Variants in CSMD1 observed in about 807,000 individuals in gnomAD.
CSMD1 encodes CUB and sushi domain-containing protein 1.
Under a neutral mutation model 417.5 loss-of-function variants are expected in CSMD1, and 213 were observed. That is an observed-to-expected ratio of 0.51 (90% CI 0.46 to 0.57). CSMD1 has a LOEUF of 0.57. Among genes scored for constraint, CSMD1 ranks in the 20% least tolerant of loss-of-function variants. The pLI, the probability that CSMD1 is intolerant of heterozygous loss-of-function variation, is 0.00. For missense variants in CSMD1, 6,923 were observed against 4,529.7 expected, an observed-to-expected ratio of 1.53 and a Z score of -15.17; for synonymous variants, 2,862 against 1,736.8, an observed-to-expected ratio of 1.65 and a Z score of -16.11.
intron 10 of CSMD1, among the ~76,000 whole-genome samples, chr8:3,521,960 G>A (rs191150080): frequency 6.6e-6 from 1 of 152,270 alleles, no homozygotes; most frequent in South Asian, 2.1e-4. Flanking sequence ...GTACAAAAAT[G>A]CAATTAACAA....
At position 4,710,307 on chromosome 8, in the gene CSMD1, C is replaced by T. The variant is rs574565026; in HGVS notation, c.86-72749G>A. 4.8e-3 allele frequency among the ~76,000 whole-genome samples: 726 copies of T among 150,856 alleles called. 9 individuals carry two copies. The highest frequency in any genetic ancestry group is 0.018 in the Middle Eastern group (5 of 280). On this transcript the variant is annotated intron_variant, in intron 1 of 69. Transcript: ENST00000635120. ...TAAATATATAATGTATATGTGTATA[C>T]ATTTAAACGCATATAAACATATTCT...
At chr8:4,147,275 C>G (rs1169919801) in intron 3 of CSMD1, among the ~76,000 whole-genome samples, 1 of 152,120 alleles carries the variant, frequency 6.6e-6, no homozygotes, top group Non-Finnish European at 1.5e-5. Context: ...TCCTCACCTG[C>G]GTAATTCCAT....
intron 68 of CSMD1, 85 bp downstream of exon 68, chr8:2,949,214 A>G: frequency 1.4e-6 from 1 of 726,576 alleles, no homozygotes; most frequent in African/African-American, 1.8e-5. Context: ...TTTCTTTTAG[A>G]GTCGTCTTTT....
At chr8:3,527,864 A>G (rs1797819591) in intron 10 of CSMD1, among the ~76,000 whole-genome samples, 1 of 152,218 alleles carries the variant, frequency 6.6e-6, no homozygotes, top group Non-Finnish European at 1.5e-5. Context: ...TACATTTAGA[A>G]ACAGGTTTCT....
At chr8:3,035,320 C>T (rs749588466) in intron 50 of CSMD1, among the ~76,000 whole-genome samples, 42 of 152,146 alleles carry the variant, frequency 2.8e-4, no homozygotes, top group Middle Eastern at 6.8e-3. Flanking sequence ...CTACTGTAAG[C>T]GGATCCTCAC....
intron 3 of CSMD1, among the ~76,000 whole-genome samples, chr8:4,306,966 C>G (rs776974842): frequency 1.3e-5 from 2 of 152,192 alleles, no homozygotes; most frequent in Non-Finnish European, 2.9e-5. Flanking sequence ...AAGCATCTCT[C>G]AGATCGACTG....
intron 5 of CSMD1, among the ~76,000 whole-genome samples, chr8:3,854,186 T>C (rs1405110710): frequency 6.8e-6 from 1 of 147,452 alleles, no homozygotes; most frequent in Non-Finnish European, 1.5e-5. Context: ...GTCTTGGAAA[T>C]GGACCAATTC....
At chr8:3,457,001 C>G (rs1277088200) in intron 12 of CSMD1, among the ~76,000 whole-genome samples, 1 of 151,798 alleles carries the variant, frequency 6.6e-6, no homozygotes, top group Non-Finnish European at 1.5e-5. Context: ...ATTTTGTACT[C>G]CTTCCCTTGC....
intron 1 of CSMD1, among the ~76,000 whole-genome samples, chr8:4,690,681 G>A (rs1437438199): frequency 1.3e-5 from 2 of 152,138 alleles, no homozygotes; most frequent in African/African-American, 2.4e-5. Flanking sequence ...AGGATTTTAT[G>A]AATTGAATCA....
rs186228373 is a variant in CSMD1 at position 3,922,841 on chromosome 8, A to G, written c.818+75062T>C. The stretch of plus-strand genomic sequence containing the variant: ...ATTCTATATATTCATGGTGTACAAC[A>G]TGGCCTTCAGATATTGGGATATGTG... On this transcript the variant is annotated intron_variant, in intron 5 of 69. Transcript: ENST00000635120. Among the ~76,000 whole-genome samples the G allele has an allele frequency of 5.9e-5, 9 of 152,286 alleles. No homozygotes were observed. In the East Asian group the frequency reaches 1.7e-3, roughly 29 times the overall value.
chr8:4,232,956 T>C (rs980849970), intron 3 of CSMD1, among the ~76,000 whole-genome samples: 7 of 152,200 alleles, frequency 4.6e-5, no homozygotes, highest in Admixed American at 1.3e-4. Flanking sequence ...TCAAGCATAA[T>C]TTGGTTATTC....
chr8:4,018,449 T>A (rs1041789952), intron 4 of CSMD1, among the ~76,000 whole-genome samples: 4 of 152,192 alleles, frequency 2.6e-5, no homozygotes, highest in African/African-American at 9.6e-5. Context: ...GCTGCAGGTC[T>A]GTCAACACAG....
intron 1 of CSMD1, among the ~76,000 whole-genome samples, chr8:4,896,829 G>A (rs1378545264): frequency 6.6e-6 from 1 of 151,970 alleles, no homozygotes; most frequent in Non-Finnish European, 1.5e-5. Context: ...TATCCAGTGA[G>A]AGCCGGAGCC....
At chr8:4,357,728 C>T (rs13266336) in intron 3 of CSMD1, among the ~76,000 whole-genome samples, 103 of 151,972 alleles carry the variant, frequency 6.8e-4, no homozygotes, top group South Asian at 3.5e-3. Context: ...TCAAGAGATA[C>T]TCAAGCCAAA....
At chr8:3,522,474 T>C (rs1797548506) in intron 10 of CSMD1, among the ~76,000 whole-genome samples, 1 of 152,236 alleles carries the variant, frequency 6.6e-6, no homozygotes, top group Non-Finnish European at 1.5e-5. Flanking sequence ...TACTTTTAGA[T>C]GGCATAACAA....
chr8:4,722,275 T>G (rs1417195092), intron 1 of CSMD1, among the ~76,000 whole-genome samples: 1 of 152,138 alleles, frequency 6.6e-6, no homozygotes, highest in East Asian at 1.9e-4. Context: ...ATTATATTCC[T>G]TAAATACAGA....
At chr8:4,599,581 C>A (rs772411057) in intron 2 of CSMD1, among the ~76,000 whole-genome samples, 2 of 151,762 alleles carry the variant, frequency 1.3e-5, no homozygotes, top group African/African-American at 4.8e-5. Context: ...GTTACGTCAA[C>A]GAATATAAAT....
intron 2 of CSMD1, among the ~76,000 whole-genome samples, chr8:4,583,822 G>C (rs572285230): frequency 6.6e-4 from 100 of 152,244 alleles, no homozygotes; most frequent in Non-Finnish European, 1.3e-3. Context: ...GCCAGCAGTG[G>C]CAACCCACTC....
chr8:4,352,115 T>C (rs1801133007), intron 3 of CSMD1, among the ~76,000 whole-genome samples: 2 of 152,196 alleles, frequency 1.3e-5, no homozygotes, highest in African/African-American at 4.8e-5. Flanking sequence ...AATTAGAGAA[T>C]GAGGTGGACT....
Sources: allele counts gnomAD v4.1 joint callset (sites outside exome capture counted in the v4.1 genomes callset), GRCh38; gene constraint gnomAD v4.1.1; transcripts MANE v1.5; gene names NCBI Gene and HGNC (gene_info 2026-07-23, HGNC 2026-07-21).